Variants in PIKFYVE observed in about 807,000 individuals in gnomAD.
PIKFYVE encodes phosphoinositide kinase, FYVE-type zinc finger containing.
Under a neutral mutation model 257.9 loss-of-function variants are expected in PIKFYVE, and 122 were observed. The observed-to-expected ratio is 0.47, with a 90% CI of 0.41 to 0.55. The LOEUF (loss-of-function observed/expected upper bound fraction) is 0.55. PIKFYVE is among the 20% of genes least tolerant of loss of function. The pLI is 0.00. For synonymous variants in PIKFYVE, 892 were observed against 868.9 expected, an observed-to-expected ratio of 1.03 and a Z score of -0.47; for missense variants, 2,160 against 2,536.6, an observed-to-expected ratio of 0.85 and a Z score of 3.19.
At chr2:208,327,135 T>C (rs1697021200) in intron 20 of PIKFYVE, among the ~76,000 whole-genome samples, 1 of 152,218 alleles carries the variant, frequency 6.6e-6, no homozygotes, top group South Asian at 2.1e-4. Context: ...TGGTGCTAAA[T>C]AATTTTTTAT....
chr2:208,275,721 C>T (rs959531387), intron 3 of PIKFYVE, among the ~76,000 whole-genome samples: 2 of 152,276 alleles, frequency 1.3e-5, no homozygotes, highest in East Asian at 1.9e-4. Flanking sequence ...CAAAACAGCA[C>T]CTATCTAGCA....
chr2:208,341,714 A>G (rs1249547444), intron 31 of PIKFYVE, among the ~76,000 whole-genome samples: 2 of 152,100 alleles, frequency 1.3e-5, no homozygotes, highest in Non-Finnish European at 2.9e-5. Flanking sequence ...TTATGAGGAC[A>G]CTAATCCCAT....
rs933927828 is a variant in PIKFYVE at position 208,285,212 on chromosome 2, C to T, written c.614-514C>T. 2.6e-5 allele frequency among the ~76,000 whole-genome samples: 4 copies of T among 152,190 alleles called. No homozygotes were observed. In the East Asian group the frequency reaches 7.7e-4, roughly 29 times the overall value. ...CCGGGTTCAAGCAATTCTCCTGCCT[C>T]ACCCTCCTGAGTAGCTGGGATTACA... On this transcript the variant is annotated intron_variant, in intron 5 of 41. Transcript: ENST00000264380.
Position 208,345,313 on chromosome 2 carries a change from G to C in PIKFYVE, c.5111+119G>C. On this transcript the variant is annotated intron_variant, in intron 33 of 41. Coordinates refer to ENST00000264380, the MANE Select transcript of PIKFYVE (RefSeq NM_015040.4). ...TAAAAATTTCTAGGATTCAGATAGT[G>C]GCACTCATATTTCAGCCAATAATTG... 3.5e-6 allele frequency: 3 copies of C among 856,718 alleles called. No individual in the cohort carries two copies. The East Asian group carries it at 8.2e-5, about 23-fold the overall frequency. The allele number at this position is 856,718 out of a possible 1,614,324, so 53.1% of individuals were successfully genotyped here. A position where few individuals can be genotyped will look rare whatever the true frequency, so the allele number is the denominator to read the frequency against.
chr2:208,345,085 G>GT lies in PIKFYVE; in HGVS notation c.5028-21dup, dbSNP rs777767128. 7.5e-6 allele frequency: 11 copies of GT among 1,476,140 alleles called. No individual in the cohort carries two copies. In the Middle Eastern group the frequency reaches 5.2e-4, roughly 70 times the overall value. The allele number at this position is 1,476,140 out of a possible 1,614,324, so 91.4% of individuals were successfully genotyped here. ...TTTAAAGAAGAAGTTAATGTTTAAC[G>GT]TTTTTCAACCTATTTCTGCCCTAAG... is the stretch of plus-strand genomic sequence containing the variant. On this transcript the variant is annotated intron_variant, in intron 32 of 41. Transcript: ENST00000264380.
At chr2:208,269,725 C>T (rs1040315531) in intron 1 of PIKFYVE, 2 of 249,372 alleles carry the variant, frequency 8.0e-6, no homozygotes, top group African/African-American at 2.3e-5. Flanking sequence ...ATCCCCCACT[C>T]AGTTAAACAG....
intron 20 of PIKFYVE, among the ~76,000 whole-genome samples, chr2:208,327,518 G>T (rs1697069648): frequency 1.3e-5 from 2 of 152,152 alleles, no homozygotes; most frequent in Admixed American, 6.6e-5. Context: ...AGCAAATTAT[G>T]TTTTAATATG....
chr2:208,355,440 A>G lies in PIKFYVE; in HGVS notation c.*135A>G. 3 of 693,930 alleles carry G rather than the reference A, an allele frequency of 4.3e-6. No homozygotes were observed. Among genetic ancestry groups the G allele is most frequent in the Non-Finnish European group, 7.4e-6 (3 of 405,406 alleles). The allele number at this position is 693,930 out of a possible 1,614,324, so 43.0% of individuals were successfully genotyped here. A position where few individuals can be genotyped will look rare whatever the true frequency, so the allele number is the denominator to read the frequency against. ...AGGCTTTTCAGTTCTGTGGCTGTTT[A>G]GACTGTCCGTAATGGAATGGTAAAA... On this transcript the variant is annotated 3_prime_UTR_variant, in exon 42 of 42. Coordinates refer to ENST00000264380, the MANE Select transcript of PIKFYVE (RefSeq NM_015040.4).
intron 35 of PIKFYVE, among the ~76,000 whole-genome samples, chr2:208,348,456 A>G (rs1405239328): frequency 6.6e-6 from 1 of 152,080 alleles, no homozygotes; most frequent in Non-Finnish European, 1.5e-5. Flanking sequence ...ACATTTAAAA[A>G]TTATGTCTAA....
intron 32 of PIKFYVE, 145 bp downstream of exon 32, chr2:208,342,794 C>CTTTA: frequency 5.3e-6 from 2 of 379,022 alleles, no homozygotes; most frequent in African/African-American, 2.4e-5. Context: ...ATAGCTTGTT[C>CTTTA]TTTTTTTTTT....
intron 17 of PIKFYVE, among the ~76,000 whole-genome samples, chr2:208,321,350 G>A (rs1047633534): frequency 1.3e-5 from 2 of 151,966 alleles, no homozygotes; most frequent in Non-Finnish European, 2.9e-5. Flanking sequence ...AATCACTTTT[G>A]TACTGATTTC....
chr2:208,281,081 G>A (rs1193345109), intron 5 of PIKFYVE, among the ~76,000 whole-genome samples: 1 of 152,200 alleles, frequency 6.6e-6, no homozygotes, highest in Non-Finnish European at 1.5e-5. Flanking sequence ...AGGATTCGGG[G>A]CCTCCCCTCA....
intron 14 of PIKFYVE, among the ~76,000 whole-genome samples, chr2:208,314,891 G>A (rs1219131624): frequency 4.1e-5 from 3 of 72,336 alleles, no homozygotes; most frequent in Admixed American, 2.0e-4. Context: ...GCAAGACTTC[G>A]TCTCAGAGAA....
chr2:208,325,235 C>T, intron 19 of PIKFYVE, 35 bp from the exon 20 acceptor site: 1 of 1,601,840 alleles, frequency 6.2e-7, no homozygotes, highest in Non-Finnish European at 8.5e-7. Flanking sequence ...TTGCCACCTC[C>T]ACCATCTTAA....
rs370116169 is a variant in PIKFYVE at position 208,314,388 on chromosome 2, G to A, written c.1791G>A (p.Glu597=). 7.4e-6 allele frequency: 12 copies of A among 1,613,884 alleles called. No homozygotes were observed. In the African/African-American group the frequency reaches 1.5e-4, roughly 20 times the overall value. ...ATAACAACCTGGAGCTCCTGAGGGA[G>A]GAGAATGGGGAGAAACAAGCCATGG... ...WHHNNLELLR[E]ENGEKQAMER... is the part of the protein sequence containing the mutation. Residue 597 remains glutamate, a synonymous_variant, in exon 14 of 42, where the codon GAG becomes GAA. Coordinates refer to ENST00000264380, the MANE Select transcript of PIKFYVE (RefSeq NM_015040.4).
chr2:208,329,624 A>T (rs1278272597), intron 21 of PIKFYVE, among the ~76,000 whole-genome samples: 1 of 152,210 alleles, frequency 6.6e-6, no homozygotes, highest in Non-Finnish European at 1.5e-5. Flanking sequence ...CATTAGTTTC[A>T]TAAGACACTA....
upstream of PIKFYVE, chr2:208,266,211 T>A (rs773394379): frequency 1.4e-5 from 2 of 147,512 alleles, no homozygotes; most frequent in Non-Finnish European, 3.0e-5. Flanking sequence ...GATTTCGGAC[T>A]GGGGGACAGG....
chr2:208,273,758 C>A, intron 3 of PIKFYVE, 25 bp downstream of exon 3: 2 of 1,613,224 alleles, frequency 1.2e-6, no homozygotes, highest in South Asian at 1.1e-5. Flanking sequence ...TTATTTCATT[C>A]CCTTCTATAT....
At chr2:208,282,014 C>G (rs1264124398) in intron 5 of PIKFYVE, among the ~76,000 whole-genome samples, 2 of 152,150 alleles carry the variant, frequency 1.3e-5, no homozygotes, top group African/African-American at 4.8e-5. Context: ...CTAAGGTTAT[C>G]CATTTCTTTT....
Sources: gnomAD v4.1 joint callset for allele counts (sites outside exome capture counted in the v4.1 genomes callset) on GRCh38, gnomAD v4.1.1 for gene constraint, MANE v1.5 for transcripts, NCBI Gene and HGNC (gene_info 2026-07-23, HGNC 2026-07-21) for gene names.